Variants in PPP2R5A observed in about 807,000 individuals in gnomAD.
PPP2R5A encodes serine/threonine-protein phosphatase 2A 56 kDa regulatory subunit alpha isoform.
In PPP2R5A, 25 loss-of-function variants were observed where a neutral mutation model predicts 64.2. The observed-to-expected ratio is 0.39, with a 90% CI of 0.28 to 0.54. The LOEUF is 0.54. PPP2R5A is among the 20% of genes least tolerant of loss of function. The pLI is 0.67. For missense variants in PPP2R5A, 425 were observed against 576.3 expected, an observed-to-expected ratio of 0.74 and a Z score of 2.69; for synonymous variants, 198 against 201.2, an observed-to-expected ratio of 0.98 and a Z score of 0.13.
intron 1 of PPP2R5A, among the ~76,000 whole-genome samples, chr1:212,298,749 T>G (rs867992284): frequency 0.027 from 180 of 6,708 alleles, 10 homozygotes; most frequent in African/African-American, 0.039. Context: ...CCGGGCGGGG[T>G]GCTGACCCCC....
At chr1:212,288,258 A>G (rs1229690421) in intron 1 of PPP2R5A, among the ~76,000 whole-genome samples, 1 of 152,084 alleles carries the variant, frequency 6.6e-6, no homozygotes, top group Non-Finnish European at 1.5e-5. Context: ...TCAGGTGATC[A>G]GGCCACCTCA....
At chr1:212,323,850 G>A (rs1659358779) in intron 1 of PPP2R5A, among the ~76,000 whole-genome samples, 1 of 152,084 alleles carries the variant, frequency 6.6e-6, no homozygotes, top group South Asian at 2.1e-4. Context: ...GAGGTGGGTG[G>A]ATCACGAGGT....
chr1:212,286,691 G>C (rs900618434), intron 1 of PPP2R5A, among the ~76,000 whole-genome samples: 1 of 152,106 alleles, frequency 6.6e-6, no homozygotes, highest in Non-Finnish European at 1.5e-5. Context: ...CCGAGTGTCA[G>C]CTCCTCTGTT....
chr1:212,300,151 AAAT>A (rs1390109082), intron 1 of PPP2R5A, among the ~76,000 whole-genome samples: 2 of 152,160 alleles, frequency 1.3e-5, no homozygotes, highest in African/African-American at 4.8e-5. Context: ...GGAAAGGTAA[AAAT>A]AACTCAGCCT....
chr1:212,331,194 C>T (rs569687855), intron 2 of PPP2R5A, among the ~76,000 whole-genome samples: 133 of 149,392 alleles, frequency 8.9e-4, no homozygotes, highest in Non-Finnish European at 1.2e-3. Context: ...AAGAGAGTGT[C>T]TCTTTTCCCA....
At chr1:212,307,181 T>C (rs1018114841) in intron 1 of PPP2R5A, among the ~76,000 whole-genome samples, 2 of 152,202 alleles carry the variant, frequency 1.3e-5, no homozygotes, top group Admixed American at 1.3e-4. Flanking sequence ...TTTTCTGTTT[T>C]CTTTAGTATT....
intron 11 of PPP2R5A, among the ~76,000 whole-genome samples, chr1:212,357,664 G>A (rs1029290076): frequency 2.6e-5 from 4 of 152,032 alleles, no homozygotes; most frequent in Admixed American, 6.5e-5. Flanking sequence ...TTAGCCGGGC[G>A]TGGTGGCGGG....
intron 2 of PPP2R5A, among the ~76,000 whole-genome samples, chr1:212,331,084 C>G (rs1659495993): frequency 6.6e-6 from 1 of 151,198 alleles, no homozygotes; most frequent in Non-Finnish European, 1.5e-5. Flanking sequence ...CGGAGAATTG[C>G]TCGAACCTGG....
intron 1 of PPP2R5A, among the ~76,000 whole-genome samples, chr1:212,298,883 C>G (rs1192329023): frequency 2.5e-5 from 1 of 40,754 alleles, no homozygotes; most frequent in Non-Finnish European, 4.5e-5. Context: ...GGGGGGCTGA[C>G]CCCCCACCTC....
intron 8 of PPP2R5A, among the ~76,000 whole-genome samples, chr1:212,356,129 T>A (rs1414639972): frequency 6.6e-6 from 1 of 152,126 alleles, no homozygotes; most frequent in East Asian, 1.9e-4. Context: ...AAGATTGTGC[T>A]AGCCATGAAA....
chr1:212,301,735 TGCC>T, intron 1 of PPP2R5A: 1 of 873,132 alleles, frequency 1.1e-6, no homozygotes, highest in African/African-American at 1.8e-5. Context: ...CTATATTCTG[TGCC>T]AGTTTCTTAA....
chr1:212,308,045 C>T (rs865934872), intron 1 of PPP2R5A, among the ~76,000 whole-genome samples: 3 of 152,118 alleles, frequency 2.0e-5, no homozygotes, highest in Middle Eastern at 3.4e-3. Flanking sequence ...GAGACAGGTT[C>T]TCAACTGTTG....
chr1:212,321,918 G>A (rs1383203761), intron 1 of PPP2R5A, among the ~76,000 whole-genome samples: 2 of 151,660 alleles, frequency 1.3e-5, no homozygotes, highest in Non-Finnish European at 2.9e-5. Flanking sequence ...GAGTGAACGC[G>A]ACTCCGTCTG....
intron 1 of PPP2R5A, among the ~76,000 whole-genome samples, chr1:212,308,581 G>T (rs1658964448): frequency 6.6e-6 from 1 of 151,892 alleles, no homozygotes; most frequent in East Asian, 1.9e-4. Context: ...GCTAATTTTT[G>T]TATTTTTAGT....
rs67572683 is a variant in PPP2R5A, at chr1:212,354,725, TGAGA to T, written c.928-1882_928-1879del. Reference sequence around the variant, plus strand: ...CCTCATCAAAAAGAGAGAGAAATGTTGAGAGAGAGAGAGAGAGAGAGAAATGTGA... The same window carrying T: ...CCTCATCAAAAAGAGAGAGAAATGTTGAGAGAGAGAGAGAGAGAAATGTGA... On this transcript the variant is annotated intron_variant, in intron 8 of 12. Transcript: ENST00000261461. Among the ~76,000 whole-genome samples the T allele has an allele frequency of 1.3e-3, 184 of 147,044 alleles. 2 individuals carry two copies. Among genetic ancestry groups the T allele is most frequent in the African/African-American group, 3.9e-3 (157 of 39,912 alleles).
chr1:212,359,866 G>C (rs1357360880), intron 12 of PPP2R5A, among the ~76,000 whole-genome samples: 1 of 152,088 alleles, frequency 6.6e-6, no homozygotes, highest in African/African-American at 2.4e-5. Flanking sequence ...AGGATCATAG[G>C]AAACTTGTAT....
chr1:212,331,222 G>A (rs112981282), intron 2 of PPP2R5A, among the ~76,000 whole-genome samples: 3,410 of 150,484 alleles, frequency 0.023, 140 homozygotes, highest in African/African-American at 0.078. Flanking sequence ...GTGCAGTGGC[G>A]TAATCATAGC....
At position 212,333,701 on chromosome 1, in the gene PPP2R5A, CT is replaced by C. The variant is rs1463197653; in HGVS notation, c.480+107del. ...CTGAGTGTCTGTGTAAAATATTTGA[CT>C]TTTATGGTTTTATTAACATTATCTT... is the stretch of plus-strand genomic sequence containing the variant. On this transcript the variant is annotated intron_variant, in intron 3 of 12. Coordinates refer to ENST00000261461, the MANE Select transcript of PPP2R5A (RefSeq NM_006243.4). 5.6e-5 allele frequency: 34 copies of C among 610,688 alleles called. No homozygotes were observed. In the African/African-American group the frequency reaches 6.1e-4, roughly 11 times the overall value. 37.8% of individuals were successfully genotyped at this position (610,688 alleles called of 1,614,324 possible). A position where few individuals can be genotyped will look rare whatever the true frequency, so the allele number is the denominator to read the frequency against.
At chr1:212,337,873 G>C (rs1393318028) in intron 3 of PPP2R5A, among the ~76,000 whole-genome samples, 1 of 151,812 alleles carries the variant, frequency 6.6e-6, no homozygotes, top group Admixed American at 6.6e-5. Flanking sequence ...GTTCTTTTTG[G>C]GTGCTTAATA....
Sources: allele counts gnomAD v4.1 joint callset (sites outside exome capture counted in the v4.1 genomes callset), GRCh38; gene constraint gnomAD v4.1.1; transcripts MANE v1.5; gene names NCBI Gene and HGNC (gene_info 2026-07-23, HGNC 2026-07-21).